The following CELA3A variants were observed in gnomAD, a reference collection of about 807,000 sequenced individuals.
The protein encoded by CELA3A is chymotrypsin like elastase 3A.
Under a neutral mutation model 38.6 loss-of-function variants are expected in CELA3A, and 35 were observed. That is an observed-to-expected ratio of 0.91 (90% CI 0.69 to 1.20). The LOEUF is 1.20. Ranked by LOEUF, CELA3A falls within the 50% of genes most tolerant of loss-of-function variation. The pLI, the probability that CELA3A is intolerant of heterozygous loss-of-function variation, is 0.00. For missense variants in CELA3A, 343 were observed against 354.2 expected (o/e 0.97, Z 0.25); for synonymous variants, 143 against 136.7 (o/e 1.05, Z -0.32).
chr1:22,009,842 C>T lies in CELA3A; in HGVS notation c.780C>T (p.Ile260=), dbSNP rs144074674. The change falls in exon 7 of 8, where the codon ATC becomes ATT. Residue 260 remains isoleucine, a synonymous_variant. Transcript: ENST00000290122. The stretch of plus-strand genomic sequence containing the variant: ...TGTTCACTCGAGTCTCCGCCTTCAT[C>T]GACTGGATTGAGGAGGTGAGGAGGG... ...PTVFTRVSAF[I]DWIEETIASH The T allele has an allele frequency of 6.3e-5, 102 of 1,612,458 alleles. 2 individuals carry two copies. The African/African-American group carries it at 7.9e-4, about 13-fold the overall frequency.
At chr1:22,011,582 A>C (rs1334754076) in intron 7 of CELA3A, among the ~76,000 whole-genome samples, 3 of 126,874 alleles carry the variant, frequency 2.4e-5, no homozygotes, top group Non-Finnish European at 3.2e-5. Flanking sequence ...AATATGGTGA[A>C]ACCCTGTCTC....
intron 6 of CELA3A, among the ~76,000 whole-genome samples, chr1:22,008,871 ACTGGATATCGTG>A (rs1393816542): frequency 1.3e-5 from 2 of 151,996 alleles, no homozygotes; most frequent in Admixed American, 1.3e-4. Context: ...CTTCTTCTCT[ACTGGATATCGTG>A]CTAAGATCGT....
rs1244286207 is a variant in CELA3A at position 22,012,302 on chromosome 1, A to G, written c.796-148A>G. On this transcript the variant is annotated intron_variant, in intron 7 of 7. Transcript: ENST00000290122. ...CCCCCATGAGGTAAGTTCTATCCCT[A>G]CTACATAGAGGAGGAAACTGAGGCT... 20 of 1,149,088 alleles carry G rather than the reference A, an allele frequency of 1.7e-5. 4 individuals carry two copies. Among genetic ancestry groups the G allele is most frequent in the Non-Finnish European group, 2.4e-5 (20 of 826,908 alleles). 71.2% of individuals were successfully genotyped at this position (1,149,088 alleles called of 1,614,324 possible).
rs756979731 is a variant in CELA3A at position 22,007,363 on chromosome 1, A to G, written c.500-10A>G. 7 of 1,605,112 alleles carry G rather than the reference A, an allele frequency of 4.4e-6. No individual in the cohort carries two copies. The highest frequency in any genetic ancestry group is 3.4e-5 in the Admixed American group (2 of 58,816). ...CCAGACCCCTGACTCGGTGCTTTTT[A>G]TCCTTGCAGCCAATGGGCCACTCCC... On this transcript the variant is annotated splice_polypyrimidine_tract_variant and intron_variant, in intron 5 of 7. Transcript: ENST00000290122.
intron 2 of CELA3A, among the ~76,000 whole-genome samples, chr1:22,003,884 A>C (rs1644932872): frequency 6.7e-6 from 1 of 148,414 alleles, no homozygotes; most frequent in African/African-American, 2.5e-5. Context: ...TTGTATTTTT[A>C]GTAGAGACAG....
chr1:22,007,568 A>T (rs1644959223), intron 6 of CELA3A, 53 bp downstream of exon 6: 2 of 1,566,986 alleles, frequency 1.3e-6, no homozygotes, highest in Non-Finnish European at 1.7e-6. Context: ...GGACCTTGGA[A>T]TGGGGCCAAC....
intron 4 of CELA3A, 137 bp from the exon 5 acceptor site, chr1:22,006,741 A>AATG (rs1184420362): frequency 1.2e-5 from 7 of 600,130 alleles, no homozygotes; most frequent in African/African-American, 6.8e-5. Context: ...TAATAATAAT[A>AATG]ATGATGATGA....
At chr1:22,004,161 T>G (rs963907647) in intron 2 of CELA3A, among the ~76,000 whole-genome samples, 2 of 146,978 alleles carry the variant, frequency 1.4e-5, no homozygotes, top group African/African-American at 5.1e-5. Context: ...AGCCTTGACC[T>G]CCTAGGTCCA....
intron 2 of CELA3A, among the ~76,000 whole-genome samples, chr1:22,005,100 C>CAA (rs1337326927): frequency 3.7e-5 from 4 of 108,494 alleles, no homozygotes; most frequent in African/African-American, 1.3e-4. Flanking sequence ...AACTCCATCT[C>CAA]AAAAAAAAAA....
At chr1:22,009,244 G>C (rs1644969403) in intron 6 of CELA3A, among the ~76,000 whole-genome samples, 1 of 151,376 alleles carries the variant, frequency 6.6e-6, no homozygotes, top group Middle Eastern at 3.2e-3. Flanking sequence ...GGCACCTATA[G>C]TCCCAGCTAC....
At position 22,005,545 on chromosome 1, in the gene CELA3A, G is replaced by T. The variant is rs768625986; in HGVS notation, c.227+1G>T. 16 of 1,612,744 alleles carry T rather than the reference G, an allele frequency of 9.9e-6. 1 individual carries two copies. The highest frequency in any genetic ancestry group is 9.4e-5 in the African/African-American group (7 of 74,390). ...TTGTGACTGCCGGCCACTGCATCTCGTGAGTTCTCTACCCTGTCCCTGCCT... is the reference window on the plus strand; with the variant it reads ...TTGTGACTGCCGGCCACTGCATCTCTTGAGTTCTCTACCCTGTCCCTGCCT... On this transcript the variant is annotated splice_donor_variant, in intron 3 of 7. Transcript: ENST00000290122. LOFTEE classifies it high-confidence loss of function.
intron 2 of CELA3A, among the ~76,000 whole-genome samples, chr1:22,004,612 T>C (rs1223793905): frequency 6.6e-6 from 1 of 151,978 alleles, no homozygotes; most frequent in Non-Finnish European, 1.5e-5. Context: ...TGAATGTGAC[T>C]ATTTCCAGGA....
At position 22,005,482 on chromosome 1, in the gene CELA3A, C is replaced by T. The variant is rs1644943577; in HGVS notation, c.165C>T (p.Tyr55=). 9 of 1,612,980 alleles carry T rather than the reference C, an allele frequency of 5.6e-6. No homozygotes were observed. In the South Asian group the frequency reaches 8.8e-5, roughly 16 times the overall value. ...AGTATGAGAAAAGTGGAAGCTTCTA[C>T]CACACGTGTGGCGGTAGCCTCATCG... ...SLQYEKSGSF[Y]HTCGGSLIAP... is the part of the protein sequence containing the mutation. Residue 55 remains tyrosine (Y), a synonymous_variant, in exon 3 of 8, where the codon TAC becomes TAT. Transcript: ENST00000290122.
Position 22,005,032 on chromosome 1 carries a change from G to A in CELA3A, c.130-415G>A, listed in dbSNP as rs926392403. On this transcript the variant is annotated intron_variant, in intron 2 of 7. Transcript: ENST00000290122. ...GAGAATCGCTTGAACCCGGGAGGCGGAGGTTGAAATGAGCTGAGATTGCCA... is the reference window on the plus strand; with the variant it reads ...GAGAATCGCTTGAACCCGGGAGGCGAAGGTTGAAATGAGCTGAGATTGCCA... 2.7e-5 allele frequency among the ~76,000 whole-genome samples: 4 copies of A among 150,618 alleles called. 1 individual carries two copies. The highest frequency in any genetic ancestry group is 9.9e-5 in the African/African-American group (4 of 40,496).
At chr1:22,004,939 A>C (rs1490602846) in intron 2 of CELA3A, among the ~76,000 whole-genome samples, 1 of 151,046 alleles carries the variant, frequency 6.6e-6, no homozygotes, top group African/African-American at 2.5e-5. Flanking sequence ...GTGTCTACTA[A>C]AAATACAAAA....
intron 6 of CELA3A, among the ~76,000 whole-genome samples, chr1:22,009,494 A>T (rs1306705539): frequency 6.6e-6 from 1 of 151,312 alleles, no homozygotes; most frequent in Non-Finnish European, 1.5e-5. Context: ...GGAGGTTGCA[A>T]TGAGCCAAGC....
intron 7 of CELA3A, among the ~76,000 whole-genome samples, chr1:22,010,371 C>A (rs1244566816): frequency 6.6e-6 from 1 of 151,204 alleles, no homozygotes; most frequent in African/African-American, 2.4e-5. Flanking sequence ...GTAATCCCAG[C>A]ACTTTGGGAA....
intron 6 of CELA3A, among the ~76,000 whole-genome samples, chr1:22,008,152 C>CTTTTTTTTTTTTTTTTTTT (rs71016968): frequency 2.3e-5 from 2 of 86,844 alleles, no homozygotes; most frequent in Non-Finnish European, 4.8e-5. Flanking sequence ...GACGTTGTCT[C>CTTTTTTTTTTTTTTTTTTT]TTTTTTTTTT....
chr1:22,007,142 T>G, intron 5 of CELA3A, 128 bp downstream of exon 5: 1 of 1,454,404 alleles, frequency 6.9e-7, no homozygotes, highest in Non-Finnish European at 9.3e-7. Flanking sequence ...AGCTGCAGCC[T>G]TCTTCCATCA....
Sources: allele counts gnomAD v4.1 joint callset (sites outside exome capture counted in the v4.1 genomes callset), GRCh38; gene constraint gnomAD v4.1.1; transcripts MANE v1.5; gene names NCBI Gene and HGNC (gene_info 2026-07-23, HGNC 2026-07-21).